The following CLTB variants were observed in gnomAD, a reference collection of about 807,000 sequenced individuals.
The protein encoded by CLTB is clathrin light chain B.
A neutral mutation model predicts 30.5 loss-of-function variants in CLTB; 10 were observed. The ratio of observed to expected loss-of-function variants is 0.33; its 90% CI spans 0.20 to 0.56. The LOEUF is 0.56. CLTB is among the 20% of genes least tolerant of loss of function. The pLI is 0.91. For synonymous variants in CLTB, 102 were observed against 120.3 expected (o/e 0.85, Z 1.00); for missense variants, 261 against 308.3 (o/e 0.85, Z 1.15).
intron 2 of CLTB, among the ~76,000 whole-genome samples, chr5:176,399,838 A>C (rs1194251247): frequency 1.3e-5 from 2 of 151,524 alleles, no homozygotes; most frequent in African/African-American, 2.4e-5. Context: ...AGATCGTGCC[A>C]CTGCACTCCA....
intron 4 of CLTB, among the ~76,000 whole-genome samples, chr5:176,396,964 T>C (rs1318743143): frequency 1.3e-5 from 2 of 151,794 alleles, no homozygotes; most frequent in African/African-American, 2.4e-5. Flanking sequence ...TTTTTTCCCT[T>C]TTTTCCTCCT....
At chr5:176,410,702 G>A (rs1022638249) in intron 1 of CLTB, among the ~76,000 whole-genome samples, 7 of 151,596 alleles carry the variant, frequency 4.6e-5, no homozygotes, top group African/African-American at 1.7e-4. Context: ...TGAGTAGGCT[G>A]AGCTGCTGTA....
At chr5:176,414,263 T>A (rs1287003509) in intron 1 of CLTB, among the ~76,000 whole-genome samples, 1 of 152,100 alleles carries the variant, frequency 6.6e-6, no homozygotes, top group African/African-American at 2.4e-5. Context: ...GTGCATTAAC[T>A]GGGGCAGGCA....
intron 3 of CLTB, 22 bp downstream of exon 3, chr5:176,397,908 C>A (rs776186095): frequency 1.9e-6 from 3 of 1,607,178 alleles, no homozygotes; most frequent in Non-Finnish European, 1.7e-6. Flanking sequence ...CCCAGCCAAC[C>A]CCGCCTCAGC....
At chr5:176,405,847 A>C (rs900663727) in intron 2 of CLTB, 1 of 150,952 alleles carries the variant, frequency 6.6e-6, no homozygotes, top group Non-Finnish European at 1.5e-5. Context: ...ACAATATCCT[A>C]CTACCGGTGG....
intron 2 of CLTB, among the ~76,000 whole-genome samples, chr5:176,399,000 A>G (rs540886859): frequency 1.3e-5 from 2 of 151,808 alleles, no homozygotes; most frequent in African/African-American, 4.8e-5. Context: ...ACGTCACGAC[A>G]CCCGGCTAAT....
In CLTB at chr5:176,398,030, A is replaced by G. The variant is rs377220788; in HGVS notation, c.252T>C (p.Ala84=). The G allele has an allele frequency of 5.2e-5, 84 of 1,613,966 alleles. No individual in the cohort carries two copies. The highest frequency in any genetic ancestry group is 3.4e-5 in the Non-Finnish European group (40 of 1,180,030). The change falls in exon 3 of 6, where the codon GCT becomes GCC. Residue 84 remains alanine, a synonymous_variant. Coordinates refer to ENST00000310418, the MANE Select transcript of CLTB (RefSeq NM_007097.5). ...GDVFQEANGP[A]DGYAAIAQAD... is the part of the protein sequence containing the mutation. ...CCTGGGCAATGGCTGCGTAGCCATC[A>G]GCAGGACCGTTGGCCTCCTAGAACA... is the stretch of plus-strand genomic sequence containing the variant.
Position 176,393,115 on chromosome 5 carries a change from TC to T in CLTB, c.519-171del, listed in dbSNP as rs755187287. ...TGGCGCAGGAGGAAGCCTAGCTTGG[TC>T]CTGCCTCAGGACCTTGGCACTTGCT... is the stretch of plus-strand genomic sequence containing the variant. On this transcript the variant is annotated intron_variant, in intron 5 of 5. Coordinates refer to ENST00000310418, the MANE Select transcript of CLTB (RefSeq NM_007097.5). This position sits in a 1 kb window ranked among gnomAD's most constrained non-coding sequence, Gnocchi z 4.4. Among the ~76,000 whole-genome samples the T allele has an allele frequency of 2.0e-5, 3 of 152,106 alleles. No individual in the cohort carries two copies. Among genetic ancestry groups the T allele is most frequent in the Non-Finnish European group, 2.9e-5 (2 of 68,008 alleles).
chr5:176,416,333 A>G lies in CLTB; in HGVS notation c.31T>C (p.Ser11Pro). The change falls in exon 1 of 6, where the codon TCG becomes CCG. Residue 11 changes from serine to proline, a missense_variant. Physicochemically the swap from Ser to Pro is moderately conservative, Grantham distance 74 (BLOSUM62 -1). This residue lies in a region of CLTB where 113 missense variants were observed against 102.5 expected (regional missense o/e 1.10). Coordinates refer to ENST00000310418, the MANE Select transcript of CLTB (RefSeq NM_007097.5). ...GCCGCCTCCGGGGCACCGCTCTCCGACGACGAGAAGAAGCCAAAGTCATCA... is the reference window on the plus strand; with the variant it reads ...GCCGCCTCCGGGGCACCGCTCTCCGGCGACGAGAAGAAGCCAAAGTCATCA... MADDFGFFSS[S>P]ESGAPEAAEE... is the part of the protein sequence containing the mutation. 1 of 1,601,490 alleles carries G rather than the reference A, an allele frequency of 6.2e-7. No individual in the cohort carries two copies. Among genetic ancestry groups the G allele is most frequent in the Non-Finnish European group, 8.5e-7 (1 of 1,175,838 alleles).
In CLTB at chr5:176,392,725, C is replaced by T. The variant is rs757983353; in HGVS notation, c.*49G>A. 2 of 1,600,344 alleles carry T rather than the reference C, an allele frequency of 1.2e-6. No individual in the cohort carries two copies. The highest frequency in any genetic ancestry group is 2.2e-5 in the South Asian group (2 of 90,644). ...ACCCCGACCAAAGCAGCTGCTCCTC[C>T]TGTGCCCAGGCCCAGCCCATGCTCT... On this transcript the variant is annotated 3_prime_UTR_variant, in exon 6 of 6. Coordinates refer to ENST00000310418, the MANE Select transcript of CLTB (RefSeq NM_007097.5). The surrounding 1 kb of genome is among the most constrained non-coding windows in gnomAD (Gnocchi z 5.2).
At chr5:176,413,107 C>A (rs1757529834) in intron 1 of CLTB, among the ~76,000 whole-genome samples, 1 of 152,170 alleles carries the variant, frequency 6.6e-6, no homozygotes, top group Non-Finnish European at 1.5e-5. Context: ...CCACACACAC[C>A]TACACAGCAT....
In CLTB at chr5:176,403,142, T is replaced by C. The variant is rs1217920596; in HGVS notation, c.235-5095A>G. On this transcript the variant is annotated intron_variant, in intron 2 of 5. Transcript: ENST00000310418. ...TCGGCTCACTGCAACCTTGGCCTCC[T>C]GGGTTCAAGCGATTCTCCTGCCTCT... Among the ~76,000 whole-genome samples, 3 of 147,008 alleles carry C rather than the reference T, an allele frequency of 2.0e-5. No homozygotes were observed. In the East Asian group the frequency reaches 6.3e-4, roughly 31 times the overall value.
rs13167710 is a variant in CLTB, at chr5:176,393,317, C to T, written c.519-372G>A. 0.095 allele frequency among the ~76,000 whole-genome samples: 14,500 copies of T among 152,114 alleles called. 808 individuals are homozygous for T. The highest frequency in any genetic ancestry group is 0.14 in the African/African-American group (5,613 of 41,492). Reference sequence around the variant, plus strand: ...CTGAGGTTCCTGACACCTAAAGACCCTTGGAGGTCCTAGGACGACCTAATG... The same window carrying T: ...CTGAGGTTCCTGACACCTAAAGACCTTTGGAGGTCCTAGGACGACCTAATG... On this transcript the variant is annotated intron_variant, in intron 5 of 5. Coordinates refer to ENST00000310418, the MANE Select transcript of CLTB (RefSeq NM_007097.5). The surrounding 1 kb of genome is among the most constrained non-coding windows in gnomAD (Gnocchi z 4.4).
At chr5:176,405,578 T>C (rs576654448) in intron 2 of CLTB, 1 of 151,210 alleles carries the variant, frequency 6.6e-6, no homozygotes, top group East Asian at 1.9e-4. Flanking sequence ...TTTGCCTCCA[T>C]ATCCGTTTAT....
At chr5:176,394,284 G>A (rs960547449) in intron 5 of CLTB, among the ~76,000 whole-genome samples, 1 of 152,230 alleles carries the variant, frequency 6.6e-6, no homozygotes, top group Non-Finnish European at 1.5e-5. Context: ...CATGACGACA[G>A]AGCCTGTCAG....
At chr5:176,394,586 G>T (rs561066215) in intron 5 of CLTB, among the ~76,000 whole-genome samples, 3 of 149,786 alleles carry the variant, frequency 2.0e-5, no homozygotes, top group Admixed American at 1.3e-4. Context: ...GGGAGGCCAA[G>T]GTGGGCGGAT....
At chr5:176,411,494 C>T (rs1757424788) in intron 1 of CLTB, among the ~76,000 whole-genome samples, 1 of 152,188 alleles carries the variant, frequency 6.6e-6, no homozygotes, top group African/African-American at 2.4e-5. Context: ...TTAAAGGCCT[C>T]CCTGACCACA....
chr5:176,412,069 G>A (rs1004616225), intron 1 of CLTB, among the ~76,000 whole-genome samples: 5 of 151,800 alleles, frequency 3.3e-5, no homozygotes, highest in Non-Finnish European at 4.4e-5. Flanking sequence ...CCAGCCACTC[G>A]GGAGGCTGAG....
chr5:176,400,030 A>G (rs1756737814), intron 2 of CLTB, among the ~76,000 whole-genome samples: 1 of 152,046 alleles, frequency 6.6e-6, no homozygotes, highest in Non-Finnish European at 1.5e-5. Flanking sequence ...CATCTCTACT[A>G]AAAACACAAA....
Sources: gnomAD v4.1 joint callset for allele counts (sites outside exome capture counted in the v4.1 genomes callset) on GRCh38, gnomAD v4.1.1 for gene constraint, gnomAD v4.1.1 regional missense constraint, Gnocchi (gnomAD v3.1) non-coding constraint, MANE v1.5 for transcripts, NCBI Gene and HGNC (gene_info 2026-07-23, HGNC 2026-07-21) for gene names.